PCDHGB3: variants seen among roughly 807,000 people sequenced by gnomAD.
PCDHGB3 encodes the protein protocadherin gamma subfamily B, 3.
Under a neutral mutation model 59.2 loss-of-function variants are expected in PCDHGB3, and 40 were observed. The ratio of observed to expected loss-of-function variants is 0.68; its 90% CI spans 0.52 to 0.88. PCDHGB3 has a LOEUF of 0.88. Ranked by LOEUF, PCDHGB3 falls within the 40% of genes least tolerant of loss-of-function variation. The pLI is 0.00. For synonymous variants in PCDHGB3, 581 were observed against 503.6 expected, an observed-to-expected ratio of 1.15 and a Z score of -2.06; for missense variants, 1,309 against 1,187.9, an observed-to-expected ratio of 1.10 and a Z score of -1.50.
chr5:141,502,679 T>C (rs943238781), intron 2 of PCDHGB3, among the ~76,000 whole-genome samples: 1 of 152,236 alleles, frequency 6.6e-6, no homozygotes, highest in Non-Finnish European at 1.5e-5. Flanking sequence ...TAGTATTCCC[T>C]GATGATCCTT....
At position 141,487,728 on chromosome 5, in the gene PCDHGB3, C is replaced by T. The variant is rs986276637; in HGVS notation, c.2416-7079C>T. 2 of 1,570,444 alleles carry T rather than the reference C, an allele frequency of 1.3e-6. No homozygotes were observed. Among genetic ancestry groups the T allele is most frequent in the East Asian group, 2.3e-5 (1 of 42,866 alleles). ...TCAGTAAGTGCCCATAGTGATGTCA[C>T]CATTTTTGTAAGAGGTAACTATGTG... On this transcript the variant is annotated intron_variant, in intron 1 of 3. Coordinates refer to ENST00000576222, the MANE Select transcript of PCDHGB3 (RefSeq NM_018924.5). The surrounding 1 kb of genome is among the most constrained non-coding windows in gnomAD (Gnocchi z 5.0).
chr5:141,491,898 G>A lies in PCDHGB3; in HGVS notation c.2416-2909G>A, dbSNP rs772673872. 1.6e-5 allele frequency: 23 copies of A among 1,428,816 alleles called. No homozygotes were observed. The highest frequency in any genetic ancestry group is 3.0e-5 in the South Asian group (2 of 66,966). The allele number at this position is 1,428,816 out of a possible 1,614,324, so 88.5% of individuals were successfully genotyped here. A position where few individuals can be genotyped will look rare whatever the true frequency, so the allele number is the denominator to read the frequency against. ...ATTAAGGGATGGGGCTCCGAGCACC[G>A]GGGGTGGTGGCGACTGTGGGCGAGG... On this transcript the variant is annotated intron_variant, in intron 1 of 3. Coordinates refer to ENST00000576222, the MANE Select transcript of PCDHGB3 (RefSeq NM_018924.5). This position sits in a 1 kb window ranked among gnomAD's most constrained non-coding sequence, Gnocchi z 6.9.
chr5:141,419,435 C>T, intron 1 of PCDHGB3: 1 of 1,613,226 alleles, frequency 6.2e-7, no homozygotes, highest in Non-Finnish European at 8.5e-7. Context: ...CGAGCAGCTG[C>T]GCACCTTCGA....
At position 141,389,059 on chromosome 5, in the gene PCDHGB3, T is replaced by C. The variant is rs773183818; in HGVS notation, c.2415+16250T>C. The stretch of plus-strand genomic sequence containing the variant: ...TTGGAAGGTGATGTTCCATTTAAAA[T>C]ATTAACTTCTTCAAGAAACACGTAT... On this transcript the variant is annotated intron_variant, in intron 1 of 3. Transcript: ENST00000576222. 4 of 1,613,988 alleles carry C rather than the reference T, an allele frequency of 2.5e-6. No individual in the cohort carries two copies. In the South Asian group the frequency reaches 4.4e-5, roughly 18 times the overall value.
chr5:141,494,756 A>G (rs780402065), intron 1 of PCDHGB3, 51 bp from the exon 2 acceptor site: 2 of 1,613,460 alleles, frequency 1.2e-6, no homozygotes, highest in South Asian at 1.1e-5. Context: ...CTCGGGTGAC[A>G]TTCTAACTTC....
At chr5:141,492,468 G>A (rs927514972) in intron 1 of PCDHGB3, among the ~76,000 whole-genome samples, 1 of 152,232 alleles carries the variant, frequency 6.6e-6, no homozygotes, top group Admixed American at 6.5e-5. Flanking sequence ...GAGGGTCCCA[G>A]ATCGCGGCCG....
At chr5:141,393,337 A>G (rs556749112) in intron 1 of PCDHGB3, 28 of 1,613,772 alleles carry the variant, frequency 1.7e-5, no homozygotes, top group African/African-American at 5.3e-5. Flanking sequence ...CTCAGCCCCA[A>G]TCACCACTTC....
intron 1 of PCDHGB3, chr5:141,423,031 A>G (rs761268652): frequency 1.2e-6 from 2 of 1,614,096 alleles, no homozygotes; most frequent in East Asian, 2.2e-5. Flanking sequence ...TTCAGGCCAG[A>G]ACGCCTGGCT....
At chr5:141,447,163 G>T (rs11167747) in intron 1 of PCDHGB3, among the ~76,000 whole-genome samples, 6,233 of 151,894 alleles carry the variant, frequency 0.041, 196 homozygotes, top group Admixed American at 0.075. Flanking sequence ...TGTTTAAGCG[G>T]GGTCTTGCTC....
intron 1 of PCDHGB3, chr5:141,423,295 C>A: frequency 6.2e-7 from 1 of 1,614,146 alleles, no homozygotes; most frequent in Non-Finnish European, 8.5e-7. Context: ...AACCTCAGAC[C>A]TCTCGCTGTA....
Position 141,432,253 on chromosome 5 carries a change from G to A in PCDHGB3, c.2415+59444G>A, listed in dbSNP as rs1193159615. ...CCCTGGCTGAGAACACCATCCAAGGGGCAAGCCTATCGTCCTACGTGTCCA... is the reference window on the plus strand; with the variant it reads ...CCCTGGCTGAGAACACCATCCAAGGAGCAAGCCTATCGTCCTACGTGTCCA... On this transcript the variant is annotated intron_variant, in intron 1 of 3. Coordinates refer to ENST00000576222, the MANE Select transcript of PCDHGB3 (RefSeq NM_018924.5). The surrounding 1 kb of genome is among the most constrained non-coding windows in gnomAD (Gnocchi z 6.0). 2.5e-6 allele frequency: 4 copies of A among 1,614,086 alleles called. No individual in the cohort carries two copies. Among genetic ancestry groups the A allele is most frequent in the Non-Finnish European group, 3.4e-6 (4 of 1,180,046 alleles).
intron 1 of PCDHGB3, chr5:141,409,843 C>G: frequency 6.2e-7 from 1 of 1,611,804 alleles, no homozygotes; most frequent in Non-Finnish European, 8.5e-7. Context: ...CCAACGTGAG[C>G]CTGCGCGTGT....
intron 1 of PCDHGB3, chr5:141,418,465 A>G (rs2096261082): frequency 6.2e-7 from 1 of 1,614,022 alleles, no homozygotes; most frequent in Non-Finnish European, 8.5e-7. Context: ...CTCTGGACCG[A>G]GAAACGCAGA....
At chr5:141,463,587 T>TA (rs2099064735) in intron 1 of PCDHGB3, among the ~76,000 whole-genome samples, 1 of 152,058 alleles carries the variant, frequency 6.6e-6, no homozygotes, top group East Asian at 1.9e-4. Context: ...TAGCTGGGAC[T>TA]ACAGGTGCCT....
Position 141,372,771 on chromosome 5 carries a change from A to G in PCDHGB3, c.2377A>G (p.Asn793Asp). The change falls in exon 1 of 4, where the codon AAT becomes GAT. Residue 793 changes from asparagine to aspartate, a missense_variant. Transcript: ENST00000576222. ...DEASWFESND[N>D]PEMPSNSGNL... ...AGCCTCTTGGTTTGAAAGTAATGAC[A>G]ATCCAGAAATGCCTTCTAATTCAGG... The G allele has an allele frequency of 6.2e-7, 1 of 1,610,980 alleles. No homozygotes were observed.
chr5:141,396,814 G>C (rs573559857), intron 1 of PCDHGB3, among the ~76,000 whole-genome samples: 10 of 152,322 alleles, frequency 6.6e-5, no homozygotes, highest in African/African-American at 2.2e-4. Flanking sequence ...GTGTTCTACT[G>C]TATGGTGCAT....
chr5:141,388,871 C>G, intron 1 of PCDHGB3: 1 of 1,613,930 alleles, frequency 6.2e-7, no homozygotes, highest in Non-Finnish European at 8.5e-7. Flanking sequence ...TTGCGCAATG[C>G]ACAGTGGAGG....
Position 141,485,373 on chromosome 5 carries a change from C to T in PCDHGB3, c.2416-9434C>T. 2 of 1,614,136 alleles carry T rather than the reference C, an allele frequency of 1.2e-6. No homozygotes were observed. Among genetic ancestry groups the T allele is most frequent in the East Asian group, 2.2e-5 (1 of 44,868 alleles). On this transcript the variant is annotated intron_variant, in intron 1 of 3. Transcript: ENST00000576222. This position sits in a 1 kb window ranked among gnomAD's most constrained non-coding sequence, Gnocchi z 5.7. ...CTGTCAGCTCGCAGGCTGCAGGTCG[C>T]TGGAGAGGTGAACCAAAGACACTTC... is the stretch of plus-strand genomic sequence containing the variant.
intron 1 of PCDHGB3, chr5:141,394,008 G>A: frequency 1.2e-6 from 2 of 1,613,330 alleles, no homozygotes; most frequent in South Asian, 2.2e-5. Context: ...AAAGTCAATA[G>A]GTAATTATTA....
Sources: gnomAD v4.1 joint callset for allele counts (sites outside exome capture counted in the v4.1 genomes callset) on GRCh38, gnomAD v4.1.1 for gene constraint, Gnocchi (gnomAD v3.1) non-coding constraint, MANE v1.5 for transcripts, NCBI Gene and HGNC (gene_info 2026-07-23, HGNC 2026-07-21) for gene names.